The following TRPC6 variants were observed in gnomAD, a reference collection of about 807,000 sequenced individuals.
TRPC6 encodes the protein transient receptor potential cation channel subfamily C member 6.
Under a neutral mutation model 90.7 loss-of-function variants are expected in TRPC6, and 55 were observed. The ratio of observed to expected loss-of-function variants is 0.61; its 90% CI spans 0.49 to 0.76. The LOEUF (loss-of-function observed/expected upper bound fraction) is 0.76. TRPC6 is among the 30% of genes least tolerant of loss of function. The probability of loss-of-function intolerance (pLI) is 0.00; values close to 1 mark genes in which losing one functional copy is unlikely to be tolerated. For synonymous variants in TRPC6, 393 were observed against 393.0 expected, an observed-to-expected ratio of 1.00 and a Z score of 0.00; for missense variants, 989 against 1,122.7, an observed-to-expected ratio of 0.88 and a Z score of 1.70.
At chr11:101,498,832 C>G (rs1384192956) in intron 2 of TRPC6, among the ~76,000 whole-genome samples, 1 of 152,122 alleles carries the variant, frequency 6.6e-6, no homozygotes, top group Non-Finnish European at 1.5e-5. Flanking sequence ...CTCGCCCACC[C>G]ACCCATGTAG....
chr11:101,583,192 C>T, intron 1 of TRPC6, 142 bp downstream of exon 1: 1 of 1,392,880 alleles, frequency 7.2e-7, no homozygotes, highest in Non-Finnish European at 9.3e-7. Context: ...CCAGCCCTGG[C>T]TCTCGCGGAC....
intron 1 of TRPC6, among the ~76,000 whole-genome samples, chr11:101,556,996 C>A (rs1360244954): frequency 6.6e-6 from 1 of 152,100 alleles, no homozygotes; most frequent in Non-Finnish European, 1.5e-5. Flanking sequence ...AAGCATTTGA[C>A]AAAATTCAAT....
At chr11:101,453,834 G>C (rs1858821750) in intron 11 of TRPC6, 109 bp from the exon 12 acceptor site, 1 of 1,014,824 alleles carries the variant, frequency 9.9e-7, no homozygotes, top group Non-Finnish European at 1.5e-6. Flanking sequence ...CTTTGGAAGT[G>C]ATGGCTGTCA....
chr11:101,554,732 C>A (rs1310087864), intron 1 of TRPC6, among the ~76,000 whole-genome samples: 1 of 152,166 alleles, frequency 6.6e-6, no homozygotes, highest in Non-Finnish European at 1.5e-5. Context: ...CAACAAAATT[C>A]TTTATTAACT....
At chr11:101,543,341 T>C (rs573166250) in intron 1 of TRPC6, among the ~76,000 whole-genome samples, 30 of 152,070 alleles carry the variant, frequency 2.0e-4, no homozygotes, top group African/African-American at 7.0e-4. Context: ...GACCATGCAA[T>C]CCCACTCCAA....
chr11:101,544,302 C>A (rs1861245061), intron 1 of TRPC6, among the ~76,000 whole-genome samples: 1 of 152,136 alleles, frequency 6.6e-6, no homozygotes, highest in Non-Finnish European at 1.5e-5. Context: ...TTAGTTCAAC[C>A]ATTGTGGAAT....
chr11:101,567,113 C>G (rs1203069598), intron 1 of TRPC6, among the ~76,000 whole-genome samples: 3 of 152,116 alleles, frequency 2.0e-5, no homozygotes, highest in Non-Finnish European at 4.4e-5. Context: ...AGCTCAGATC[C>G]TCAGGCTTGA....
chr11:101,518,133 T>C (rs1860564406), intron 1 of TRPC6, among the ~76,000 whole-genome samples: 2 of 152,188 alleles, frequency 1.3e-5, no homozygotes, highest in Admixed American at 1.3e-4. Context: ...ATCAGCCAGA[T>C]TTTTGCCACC....
intron 1 of TRPC6, among the ~76,000 whole-genome samples, chr11:101,516,481 T>C (rs1274495470): frequency 1.3e-5 from 2 of 152,164 alleles, no homozygotes; most frequent in South Asian, 2.1e-4. Context: ...CGACCAACCA[T>C]TATCTGGTTT....
At chr11:101,562,884 A>C (rs749774505) in intron 1 of TRPC6, among the ~76,000 whole-genome samples, 6 of 152,160 alleles carry the variant, frequency 3.9e-5, no homozygotes, top group Non-Finnish European at 8.8e-5. Flanking sequence ...TGGAGAAAAT[A>C]ATAGGCCTAC....
chr11:101,546,999 ATTGT>A (rs1408086882), intron 1 of TRPC6, among the ~76,000 whole-genome samples: 1 of 152,174 alleles, frequency 6.6e-6, no homozygotes. Context: ...AACACATTAT[ATTGT>A]TTAAGGATAA....
At chr11:101,541,113 G>A (rs1351703079) in intron 1 of TRPC6, among the ~76,000 whole-genome samples, 1 of 152,160 alleles carries the variant, frequency 6.6e-6, no homozygotes, top group Non-Finnish European at 1.5e-5. Context: ...ATGTTCATAA[G>A]TAAAGAAATT....
chr11:101,455,242 T>C, intron 10 of TRPC6, 141 bp from the exon 11 acceptor site: 1 of 681,572 alleles, frequency 1.5e-6, no homozygotes. Context: ...TTGCTTAGTA[T>C]TCTGTCTTCC....
chr11:101,572,411 G>A (rs987411990), intron 1 of TRPC6, among the ~76,000 whole-genome samples: 1 of 152,186 alleles, frequency 6.6e-6, no homozygotes, highest in African/African-American at 2.4e-5. Flanking sequence ...ACTGTTGGTG[G>A]GAGTGTAAAC....
chr11:101,563,107 A>G (rs1427889715), intron 1 of TRPC6, among the ~76,000 whole-genome samples: 1 of 152,180 alleles, frequency 6.6e-6, no homozygotes, highest in Non-Finnish European at 1.5e-5. Flanking sequence ...TTAATGCTGA[A>G]AAGTCAGTTC....
chr11:101,505,380 T>C (rs563295468), intron 1 of TRPC6, among the ~76,000 whole-genome samples: 1 of 152,308 alleles, frequency 6.6e-6, no homozygotes, highest in South Asian at 2.1e-4. Context: ...TGCTTAATTA[T>C]AATGATAAGC....
intron 1 of TRPC6, among the ~76,000 whole-genome samples, chr11:101,506,809 G>A (rs1860279239): frequency 6.6e-6 from 1 of 151,822 alleles, no homozygotes; most frequent in African/African-American, 2.4e-5. Flanking sequence ...TTATACATGT[G>A]CATATTTTAG....
intron 1 of TRPC6, among the ~76,000 whole-genome samples, chr11:101,521,495 G>C (rs1860660255): frequency 6.6e-6 from 1 of 152,244 alleles, no homozygotes; most frequent in Non-Finnish European, 1.5e-5. Flanking sequence ...GCCCTCATGA[G>C]GAACCTCTAC....
intron 2 of TRPC6, among the ~76,000 whole-genome samples, chr11:101,496,438 C>T (rs1054423729): frequency 6.6e-6 from 1 of 152,130 alleles, no homozygotes; most frequent in African/African-American, 2.4e-5. Flanking sequence ...ATTTATAAAG[C>T]ATCTACTATG....
Sources: gnomAD v4.1 joint callset for allele counts (sites outside exome capture counted in the v4.1 genomes callset) on GRCh38, gnomAD v4.1.1 for gene constraint, MANE v1.5 for transcripts, NCBI Gene and HGNC (gene_info 2026-07-23, HGNC 2026-07-21) for gene names.